LYRM7: variants seen among roughly 807,000 people sequenced by gnomAD.
LYRM7 encodes complex III assembly factor LYRM7.
Under a neutral mutation model 15.8 loss-of-function variants are expected in LYRM7, and 9 were observed. That is an observed-to-expected ratio of 0.57 (90% confidence interval 0.34 to 0.99). The LOEUF is 0.99. Among genes scored for constraint, LYRM7 ranks in the 50% least tolerant of loss-of-function variants. The probability of loss-of-function intolerance (pLI) is 0.02; values close to 1 mark genes in which losing one functional copy is unlikely to be tolerated. For missense variants in LYRM7, 115 were observed against 119.1 expected (o/e 0.97, Z 0.16); for synonymous variants, 39 against 39.4 (o/e 0.99, Z 0.04).
At chr5:131,192,080 CAA>C (rs1755896002) in intron 4 of LYRM7, among the ~76,000 whole-genome samples, 2 of 139,282 alleles carry the variant, frequency 1.4e-5, no homozygotes, top group East Asian at 2.1e-4. Flanking sequence ...CACACACACA[CAA>C]TGCAATATTA....
chr5:131,172,229 C>T (rs1298273251), intron 1 of LYRM7, among the ~76,000 whole-genome samples: 1 of 152,154 alleles, frequency 6.6e-6, no homozygotes, highest in Non-Finnish European at 1.5e-5. Flanking sequence ...GCCTAGGCAA[C>T]ATGGTGAAAC....
intron 4 of LYRM7, among the ~76,000 whole-genome samples, chr5:131,188,085 C>T (rs1012054510): frequency 8.6e-5 from 13 of 151,638 alleles, no homozygotes; most frequent in African/African-American, 2.2e-4. Flanking sequence ...GAAAAAACCC[C>T]GCCTCTACAA....
chr5:131,171,783 G>A (rs538062138), intron 1 of LYRM7: 2 of 152,176 alleles, frequency 1.3e-5, no homozygotes, highest in Non-Finnish European at 2.9e-5. Flanking sequence ...GTGAAGAAAA[G>A]CAGTGTTTAT....
rs1756089707 is a variant in LYRM7 at position 131,202,523 on chromosome 5, G to T, written c.*2922G>T. On this transcript the variant is annotated 3_prime_UTR_variant, in exon 5 of 5. Transcript: ENST00000379380. The stretch of plus-strand genomic sequence containing the variant: ...AAAAAAAGAAAACTTTTTTACACAT[G>T]GGTATCTCACCATGTTGCCCAGGCT... The T allele has an allele frequency of 1.3e-5, 2 of 152,484 alleles. No homozygotes were observed. The highest frequency in any genetic ancestry group is 1.9e-4 in the South Asian group (1 of 5,292). 9.4% of individuals were successfully genotyped at this position (152,484 alleles called of 1,614,324 possible).
chr5:131,188,035 T>C (rs1300533906), intron 4 of LYRM7, among the ~76,000 whole-genome samples: 1 of 151,912 alleles, frequency 6.6e-6, no homozygotes. Context: ...GGCAGGAGTC[T>C]AGATTGAGCC....
At chr5:131,195,361 A>G (rs1481456793) in intron 4 of LYRM7, among the ~76,000 whole-genome samples, 1 of 152,162 alleles carries the variant, frequency 6.6e-6, no homozygotes, top group Non-Finnish European at 1.5e-5. Context: ...AAAAAGTATT[A>G]CTTTGCTAAA....
At chr5:131,182,416 A>G (rs916115782) in intron 3 of LYRM7, 117 bp downstream of exon 3, 3 of 967,144 alleles carry the variant, frequency 3.1e-6, no homozygotes, top group Admixed American at 8.6e-5. Context: ...TAAGGCCATC[A>G]CAACTGTAGA....
intron 4 of LYRM7, among the ~76,000 whole-genome samples, chr5:131,191,618 A>G (rs1755887211): frequency 6.6e-6 from 1 of 152,168 alleles, no homozygotes. Flanking sequence ...AAGGAGACAC[A>G]CAAATGGCCA....
At chr5:131,195,342 A>G (rs17165973) in intron 4 of LYRM7, among the ~76,000 whole-genome samples, 1,636 of 152,274 alleles carry the variant, frequency 0.011, 33 homozygotes, top group African/African-American at 0.037. Context: ...CCCACAAAGC[A>G]GAGATAGAAA....
chr5:131,171,114 A>G, intron 1 of LYRM7, 76 bp downstream of exon 1: 1 of 1,393,350 alleles, frequency 7.2e-7, no homozygotes, highest in Non-Finnish European at 9.4e-7. Context: ...AACTGTCTGG[A>G]GTCTCTGGAG....
chr5:131,187,206 A>AT (rs1419101777), intron 4 of LYRM7, 97 bp downstream of exon 4: 1 of 686,208 alleles, frequency 1.5e-6, no homozygotes, highest in East Asian at 2.8e-5. Flanking sequence ...AAACAGCTTG[A>AT]TTTTGCCAGA....
In LYRM7 at chr5:131,200,790, CAT is replaced by C. The variant is rs1363255134; in HGVS notation, c.*1192_*1193del. On this transcript the variant is annotated 3_prime_UTR_variant, in exon 5 of 5. Transcript: ENST00000379380. ...TACAGTTATTTTAGTGTCTATATGA[CAT>C]ATTTTGAGGAAAGTTGGCTGACGTT... is the stretch of plus-strand genomic sequence containing the variant. 3.9e-5 allele frequency: 6 copies of C among 152,134 alleles called. No homozygotes were observed. The East Asian group carries it at 1.1e-3, about 29-fold the overall frequency. 9.4% of individuals were successfully genotyped at this position (152,134 alleles called of 1,614,324 possible). A position where few individuals can be genotyped will look rare whatever the true frequency, so the allele number is the denominator to read the frequency against.
chr5:131,175,944 G>C (rs1755595614), intron 1 of LYRM7, among the ~76,000 whole-genome samples: 1 of 151,784 alleles, frequency 6.6e-6, no homozygotes, highest in Non-Finnish European at 1.5e-5. Flanking sequence ...TTTTTTAGTA[G>C]AGACAGGGTT....
At chr5:131,179,474 T>TTTTTTTTTTTTC (rs1755656346) in intron 1 of LYRM7, among the ~76,000 whole-genome samples, 2 of 23,492 alleles carry the variant, frequency 8.5e-5, no homozygotes, top group African/African-American at 1.4e-4. Flanking sequence ...TTTTTTTTTC[T>TTTTTTTTTTTTC]TTTTTTTTTT....
rs985862783 is a variant in LYRM7, at chr5:131,203,903, A to G, written c.*4302A>G. ...GGAAAGATAGGCAAATGATACAAATAAGAAATTCACAAAAGAAGAAATACT... is the reference window on the plus strand; with the variant it reads ...GGAAAGATAGGCAAATGATACAAATGAGAAATTCACAAAAGAAGAAATACT... On this transcript the variant is annotated 3_prime_UTR_variant, in exon 5 of 5. Coordinates refer to ENST00000379380, the MANE Select transcript of LYRM7 (RefSeq NM_181705.4). The G allele has an allele frequency of 6.6e-6, 1 of 152,296 alleles. No homozygotes were observed. Among genetic ancestry groups the G allele is most frequent in the Non-Finnish European group, 1.5e-5 (1 of 68,046 alleles). 9.4% of individuals were successfully genotyped at this position (152,296 alleles called of 1,614,324 possible). A position where few individuals can be genotyped will look rare whatever the true frequency, so the allele number is the denominator to read the frequency against.
rs369157555 is a variant in LYRM7 at position 131,174,716 on chromosome 5, C to T, written c.18+3678C>T. 3.4e-4 allele frequency among the ~76,000 whole-genome samples: 52 copies of T among 152,180 alleles called. No homozygotes were observed. The East Asian group carries it at 4.6e-3, about 14-fold the overall frequency. On this transcript the variant is annotated intron_variant, in intron 1 of 4. Transcript: ENST00000379380. ...AAAAATTAGCTCAATGTGTGGCATG[C>T]GCCTGTGCTCCCAGCAACTTTGGAG...
chr5:131,198,543 C>T (rs1198910567), intron 4 of LYRM7, among the ~76,000 whole-genome samples: 1 of 151,990 alleles, frequency 6.6e-6, no homozygotes. Flanking sequence ...AAGAAGAAAT[C>T]AATGTATCTC....
In LYRM7 at chr5:131,204,996, G is replaced by C. The variant is rs902064148; in HGVS notation, c.*5395G>C. The C allele has an allele frequency of 6.6e-6, 1 of 152,122 alleles. No homozygotes were observed. The highest frequency in any genetic ancestry group is 6.6e-5 in the Admixed American group (1 of 15,258). 9.4% of individuals were successfully genotyped at this position (152,122 alleles called of 1,614,324 possible). A position where few individuals can be genotyped will look rare whatever the true frequency, so the allele number is the denominator to read the frequency against. On this transcript the variant is annotated 3_prime_UTR_variant, in exon 5 of 5. Coordinates refer to ENST00000379380, the MANE Select transcript of LYRM7 (RefSeq NM_181705.4). Reference sequence around the variant, plus strand: ...AGTGTTAAAAGACAATAAGCTACTAGTGATTTTTAATATAAAATTAACTAT... The same window carrying C: ...AGTGTTAAAAGACAATAAGCTACTACTGATTTTTAATATAAAATTAACTAT...
chr5:131,178,921 C>T (rs1755640282), intron 1 of LYRM7, among the ~76,000 whole-genome samples: 1 of 127,494 alleles, frequency 7.8e-6, no homozygotes, highest in African/African-American at 3.1e-5. Flanking sequence ...GAGATTGTGT[C>T]ATTGCACTCC....
Sources: gnomAD v4.1 joint callset for allele counts (sites outside exome capture counted in the v4.1 genomes callset) on GRCh38, gnomAD v4.1.1 for gene constraint, MANE v1.5 for transcripts, NCBI Gene and HGNC (gene_info 2026-07-23, HGNC 2026-07-21) for gene names.